The following EFHC2 variants were observed in gnomAD, a reference collection of about 807,000 sequenced individuals.
The protein encoded by EFHC2 is EF-hand domain containing 2.
EFHC2 carries 18 observed loss-of-function variants against 52.7 expected under a neutral mutation model. The observed-to-expected ratio is 0.34, with a 90% CI of 0.24 to 0.51. EFHC2 has a LOEUF of 0.51. Ranked by LOEUF, EFHC2 falls within the 20% of genes least tolerant of loss-of-function variation. EFHC2 has a pLI of 0.97. For synonymous variants in EFHC2, 203 were observed against 204.1 expected (o/e 0.99, Z 0.04); for missense variants, 513 against 562.5 (o/e 0.91, Z 0.89).
chrX:44,268,063 C>T (rs1008661690), intron 3 of EFHC2, among the ~76,000 whole-genome samples: 1 of 111,856 alleles, frequency 8.9e-6, no homozygotes, highest in African/African-American at 3.2e-5. Context: ...AATGTCATTA[C>T]GCAGCGTGAT....
intron 1 of EFHC2, among the ~76,000 whole-genome samples, chrX:44,317,100 C>T (rs768424777): frequency 8.9e-6 from 1 of 112,112 alleles, no homozygotes; most frequent in Non-Finnish European, 1.9e-5. Context: ...AAGAGAGCTC[C>T]CTGCTTCTAG....
At chrX:44,299,836 A>G (rs1161064446) in intron 2 of EFHC2, among the ~76,000 whole-genome samples, 4 of 111,979 alleles carry the variant, frequency 3.6e-5, no homozygotes, top group Non-Finnish European at 7.5e-5. Context: ...GGTTTTGATA[A>G]GGTATATCAA....
At chrX:44,261,809 A>G (rs139567386) in intron 3 of EFHC2, among the ~76,000 whole-genome samples, 228 of 108,796 alleles carry the variant, frequency 2.1e-3, no homozygotes, top group African/African-American at 7.2e-3. Flanking sequence ...AGGTGCCAAC[A>G]TTGACTTAGA....
intron 2 of EFHC2, among the ~76,000 whole-genome samples, chrX:44,277,254 A>G (rs1183003282): frequency 3.6e-5 from 3 of 83,384 alleles, no homozygotes; most frequent in Non-Finnish European, 6.7e-5. Context: ...GCGAGACTCC[A>G]GCTCAAAAAA....
chrX:44,330,106 A>G (rs1471985544), intron 1 of EFHC2, among the ~76,000 whole-genome samples: 1 of 106,542 alleles, frequency 9.4e-6, no homozygotes, highest in African/African-American at 3.4e-5. Context: ...AAAAAAAAAA[A>G]ATGAGCCTGG....
intron 11 of EFHC2, among the ~76,000 whole-genome samples, chrX:44,189,122 CAAAA>C (rs35770665): frequency 0.012 from 562 of 46,361 alleles, 9 homozygotes; most frequent in African/African-American, 0.041. Context: ...GACTCTATCT[CAAAA>C]AAAAAAAAAA....
Position 44,269,191 on chromosome X carries a change from A to G in EFHC2, c.382+3495T>C, listed in dbSNP as rs1248339239. 2.7e-5 allele frequency among the ~76,000 whole-genome samples: 3 copies of G among 110,485 alleles called. No homozygotes were observed. In the Admixed American group the frequency reaches 2.9e-4, roughly 11 times the overall value. On this transcript the variant is annotated intron_variant, in intron 3 of 14. Coordinates refer to ENST00000420999, the MANE Select transcript of EFHC2 (RefSeq NM_025184.4). ...TTCCCAATCTCCATTTCTAGTCTTG[A>G]CTTTTTTCCTGAAAACACATCCTAA...
intron 4 of EFHC2, among the ~76,000 whole-genome samples, chrX:44,255,424 G>A (rs1233936129): frequency 9.0e-6 from 1 of 111,080 alleles, no homozygotes; most frequent in Non-Finnish European, 1.9e-5. Flanking sequence ...AAGGGAGGGA[G>A]GAATATTTAC....
chrX:44,338,782 G>A (rs1452373855), intron 1 of EFHC2, among the ~76,000 whole-genome samples: 1 of 104,037 alleles, frequency 9.6e-6, no homozygotes, highest in Non-Finnish European at 2.0e-5. Flanking sequence ...TTTTATTGCT[G>A]CAAATTCAAA....
chrX:44,299,262 G>A (rs1225682456), intron 2 of EFHC2, among the ~76,000 whole-genome samples: 1 of 111,528 alleles, frequency 9.0e-6, no homozygotes, highest in Non-Finnish European at 1.9e-5. Flanking sequence ...GATGGGAAGG[G>A]GGAACCAGAC....
At chrX:44,182,011 CTCTA>C (rs915494270) in intron 11 of EFHC2, among the ~76,000 whole-genome samples, 1 of 112,130 alleles carries the variant, frequency 8.9e-6, no homozygotes, top group African/African-American at 3.2e-5. Flanking sequence ...TAACCACCAC[CTCTA>C]TCTAGTTCTG....
chrX:44,277,663 T>C (rs2037670141), intron 2 of EFHC2, among the ~76,000 whole-genome samples: 1 of 111,519 alleles, frequency 9.0e-6, no homozygotes, highest in Non-Finnish European at 1.9e-5. Context: ...CATGACAATA[T>C]ATATATTTAC....
intron 3 of EFHC2, among the ~76,000 whole-genome samples, chrX:44,263,648 C>T (rs895943333): frequency 2.9e-4 from 32 of 112,199 alleles, no homozygotes; most frequent in African/African-American, 1.0e-3. Flanking sequence ...ATTATTTAAT[C>T]ATTCAAGATT....
chrX:44,309,949 T>C (rs2037934019), intron 2 of EFHC2: 2 of 971,006 alleles, frequency 2.1e-6, no homozygotes, highest in Non-Finnish European at 2.9e-6. Context: ...ATAAGGAGAC[T>C]ATACATTTCA....
At chrX:44,183,134 A>T (rs1325384638) in intron 11 of EFHC2, among the ~76,000 whole-genome samples, 1 of 111,862 alleles carries the variant, frequency 8.9e-6, no homozygotes, top group Non-Finnish European at 1.9e-5. Context: ...ACTAAAAAAA[A>T]ATTAGTTTTA....
chrX:44,281,042 C>T (rs1218252360), intron 2 of EFHC2, among the ~76,000 whole-genome samples: 4 of 110,925 alleles, frequency 3.6e-5, no homozygotes, highest in Non-Finnish European at 7.5e-5. Context: ...GCCTCAGCCT[C>T]CCGAGTAGCT....
intron 2 of EFHC2, among the ~76,000 whole-genome samples, chrX:44,276,300 T>A (rs1220626453): frequency 9.0e-6 from 1 of 111,327 alleles, no homozygotes; most frequent in African/African-American, 3.3e-5. Context: ...TGGTGGTGCG[T>A]GCCTCATAGT....
chrX:44,217,150 C>A (rs2037157002), intron 11 of EFHC2, among the ~76,000 whole-genome samples: 1 of 111,304 alleles, frequency 9.0e-6, no homozygotes, highest in Non-Finnish European at 1.9e-5. Context: ...CAGATAAATG[C>A]AAATCAAAAG....
intron 2 of EFHC2, among the ~76,000 whole-genome samples, chrX:44,276,520 T>A (rs2037659406): frequency 8.9e-6 from 1 of 112,712 alleles, no homozygotes; most frequent in Admixed American, 9.4e-5. Context: ...GGAAAAATTT[T>A]AAATGTTAAT....
Sources: allele counts gnomAD v4.1 joint callset (sites outside exome capture counted in the v4.1 genomes callset), GRCh38; gene constraint gnomAD v4.1.1; transcripts MANE v1.5; gene names NCBI Gene and HGNC (gene_info 2026-07-23, HGNC 2026-07-21).